The following FAM200B variants were observed in gnomAD, a reference collection of about 807,000 sequenced individuals.
FAM200B encodes zinc finger BED-type containing 11, also known as protein FAM200B.
A neutral mutation model predicts 33.1 loss-of-function variants in FAM200B; 32 were observed. That is an observed-to-expected ratio of 0.97 (90% confidence interval 0.73 to 1.30). FAM200B has a LOEUF of 1.30. Ranked by LOEUF, FAM200B falls within the 50% of genes most tolerant of loss-of-function variation. The pLI is 0.00. For missense variants in FAM200B, 741 were observed against 754.0 expected, an observed-to-expected ratio of 0.98 and a Z score of 0.20; for synonymous variants, 240 against 264.8, an observed-to-expected ratio of 0.91 and a Z score of 0.91.
chr4:15,654,236 C>T, the FAM200B span, among the ~76,000 whole-genome samples: 1 of 152,198 alleles, frequency 6.6e-6, no homozygotes, highest in Admixed American at 6.5e-5. Flanking sequence ...AAACAGTAGT[C>T]ATTTGAATGC....
the FAM200B span, chr4:15,638,585 C>G: frequency 4.3e-6 from 7 of 1,613,614 alleles, no homozygotes; most frequent in Non-Finnish European, 5.1e-6. Context: ...GCTAAGACCT[C>G]TAAGGAGTTC....
the FAM200B span, among the ~76,000 whole-genome samples, chr4:15,659,355 TATTTAAAGTCCTA>T: frequency 1.3e-5 from 2 of 152,182 alleles, no homozygotes; most frequent in Non-Finnish European, 2.9e-5. Flanking sequence ...AAACAAGCTA[TATTTAAAGTCCTA>T]ATTTCAACAA....
the FAM200B span, among the ~76,000 whole-genome samples, chr4:15,671,976 T>C: frequency 6.6e-6 from 1 of 152,212 alleles, no homozygotes; most frequent in South Asian, 2.1e-4. Context: ...TTTTATCTCA[T>C]TATGGGTCCT....
At chr4:15,650,489 T>G in the FAM200B span, among the ~76,000 whole-genome samples, 4 of 152,100 alleles carry the variant, frequency 2.6e-5, no homozygotes, top group East Asian at 5.8e-4. Flanking sequence ...AGGACACATT[T>G]TGAAGAGCAC....
chr4:15,642,956 C>T, the FAM200B span, among the ~76,000 whole-genome samples: 1 of 152,256 alleles, frequency 6.6e-6, no homozygotes. Flanking sequence ...TCACTACATT[C>T]TATCAATTTT....
chr4:15,644,397 TACATC>T, the FAM200B span: 2 of 985,808 alleles, frequency 2.0e-6, no homozygotes, highest in Non-Finnish European at 3.0e-6. Context: ...TTTTCAACAT[TACATC>T]ATTTACTATA....
chr4:15,639,322 C>T, the FAM200B span, among the ~76,000 whole-genome samples: 1 of 152,200 alleles, frequency 6.6e-6, no homozygotes, highest in Non-Finnish European at 1.5e-5. Context: ...CAGTTAACTG[C>T]CTTCTGGTAC....
chr4:15,655,687 G>C, the FAM200B span, among the ~76,000 whole-genome samples: 3 of 152,236 alleles, frequency 2.0e-5, no homozygotes, highest in Non-Finnish European at 2.9e-5. Flanking sequence ...GCCTTGAGGA[G>C]AGGCAGCCAA....
At chr4:15,661,829 A>G in the FAM200B span, among the ~76,000 whole-genome samples, 1 of 152,210 alleles carries the variant, frequency 6.6e-6, no homozygotes, top group Non-Finnish European at 1.5e-5. Context: ...TGGCAGCTAA[A>G]GCTGCGATCA....
the FAM200B span, among the ~76,000 whole-genome samples, chr4:15,652,497 A>T: frequency 1.3e-5 from 2 of 152,212 alleles, no homozygotes; most frequent in South Asian, 4.1e-4. Flanking sequence ...AACTTTTTAC[A>T]GATGTAAAAA....
the FAM200B span, among the ~76,000 whole-genome samples, chr4:15,666,503 G>T: frequency 6.6e-6 from 1 of 152,196 alleles, no homozygotes; most frequent in Non-Finnish European, 1.5e-5. Context: ...ACCAGAGGCT[G>T]TGGGGGTGGG....
the FAM200B span, among the ~76,000 whole-genome samples, chr4:15,674,696 C>G: frequency 6.6e-6 from 1 of 150,830 alleles, no homozygotes; most frequent in African/African-American, 2.4e-5. Flanking sequence ...GTCGCCCAGG[C>G]TGGAGTGCAG....
At position 15,686,791 on chromosome 4, in the gene FAM200B, G is replaced by A. The variant is rs1327789474; in HGVS notation, c.-187G>A. Reference sequence around the variant, plus strand: ...TGATTTTCATAATAGCACGGTTAATGTTCTATAGTCAAGTTTTATATTACA... The same window carrying A: ...TGATTTTCATAATAGCACGGTTAATATTCTATAGTCAAGTTTTATATTACA... On this transcript the variant is annotated 5_prime_UTR_variant, in exon 2 of 2. An upstream start codon of the reference 5' UTR is lost. Transcript: ENST00000422728. 1.0e-5 allele frequency: 4 copies of A among 390,264 alleles called. No homozygotes were observed. The highest frequency in any genetic ancestry group is 1.8e-5 in the Non-Finnish European group (4 of 216,410). 24.2% of individuals were successfully genotyped at this position (390,264 alleles called of 1,614,324 possible).
At chr4:15,655,393 C>G in the FAM200B span, 4 of 1,038,092 alleles carry the variant, frequency 3.9e-6, no homozygotes, top group Non-Finnish European at 4.7e-6. Context: ...GCGCCCGCCC[C>G]GTCGGCGCGC....
At chr4:15,644,647 G>C in the FAM200B span, 1 of 1,614,052 alleles carries the variant, frequency 6.2e-7, no homozygotes. Context: ...CTTGAAAGTA[G>C]CATACAAAGA....
chr4:15,658,734 T>C, the FAM200B span, among the ~76,000 whole-genome samples: 2 of 152,192 alleles, frequency 1.3e-5, no homozygotes, highest in Non-Finnish European at 1.5e-5. Flanking sequence ...TATTCTGTTA[T>C]AAGCAATAGA....
In FAM200B at chr4:15,689,184, C is replaced by A. The variant is rs1212997600; in HGVS notation, c.*233C>A. 2 of 360,336 alleles carry A rather than the reference C, an allele frequency of 5.6e-6. No individual in the cohort carries two copies. Among genetic ancestry groups the A allele is most frequent in the African/African-American group, 4.2e-5 (2 of 47,414 alleles). The allele number at this position is 360,336 out of a possible 1,614,324, so 22.3% of individuals were successfully genotyped here. A position where few individuals can be genotyped will look rare whatever the true frequency, so the allele number is the denominator to read the frequency against. ...ACAAAAGTGAACAAAACAGGTAATT[C>A]CCTAGTAGAGTTTATATCCTGGCAA... is the stretch of plus-strand genomic sequence containing the variant. On this transcript the variant is annotated 3_prime_UTR_variant, in exon 2 of 2. Coordinates refer to ENST00000422728, the MANE Select transcript of FAM200B (RefSeq NM_001145191.2).
chr4:15,663,886 T>A, the FAM200B span, among the ~76,000 whole-genome samples: 1 of 152,224 alleles, frequency 6.6e-6, no homozygotes, highest in African/African-American at 2.4e-5. Flanking sequence ...CCCTGGCTAA[T>A]ATAATGACAG....
chr4:15,683,442 T>C lies in FAM200B; in HGVS notation c.-743+1541T>C, dbSNP rs565125408. On this transcript the variant is annotated intron_variant, in intron 1 of 1. Transcript: ENST00000422728. ...CTTTAAAAATATCTTTTTAATACAA[T>C]AGTAACTGAACTAGTGTTACAAACT... Among the ~76,000 whole-genome samples, 3 of 152,258 alleles carry C rather than the reference T, an allele frequency of 2.0e-5. No individual in the cohort carries two copies. In the East Asian group the frequency reaches 5.8e-4, roughly 29 times the overall value.
Sources: allele counts gnomAD v4.1 joint callset (sites outside exome capture counted in the v4.1 genomes callset), GRCh38; gene constraint gnomAD v4.1.1; transcripts MANE v1.5; gene names NCBI Gene and HGNC (gene_info 2026-07-23, HGNC 2026-07-21).